NCK2: variants seen among roughly 807,000 people sequenced by gnomAD.
NCK2 encodes the protein cytoplasmic protein NCK2.
Under a neutral mutation model 33.9 loss-of-function variants are expected in NCK2, and 16 were observed. The ratio of observed to expected loss-of-function variants is 0.47; its 90% CI spans 0.32 to 0.72. NCK2 has a LOEUF of 0.72. Ranked by LOEUF, NCK2 falls within the 30% of genes least tolerant of loss-of-function variation. The probability of loss-of-function intolerance (pLI) is 0.03; values close to 1 mark genes in which losing one functional copy is unlikely to be tolerated. For synonymous variants in NCK2, 273 were observed against 239.9 expected (o/e 1.14, Z -1.27); for missense variants, 418 against 537.3 (o/e 0.78, Z 2.19).
chr2:105,808,817 T>C (rs1446100574), intron 1 of NCK2, among the ~76,000 whole-genome samples: 1 of 152,110 alleles, frequency 6.6e-6, no homozygotes, highest in African/African-American at 2.4e-5. Flanking sequence ...TATTAAGGAA[T>C]TGGTAATGAT....
At chr2:105,780,606 C>G (rs1690460749) in intron 1 of NCK2, among the ~76,000 whole-genome samples, 2 of 152,170 alleles carry the variant, frequency 1.3e-5, no homozygotes, top group African/African-American at 4.8e-5. Flanking sequence ...CCAGTCAGAG[C>G]CCCTGGTCAC....
At chr2:105,775,032 T>A (rs1219055753) in intron 1 of NCK2, among the ~76,000 whole-genome samples, 2 of 151,594 alleles carry the variant, frequency 1.3e-5, no homozygotes, top group Non-Finnish European at 2.9e-5. Flanking sequence ...AATAATAATA[T>A]AATAATAATA....
intron 2 of NCK2, among the ~76,000 whole-genome samples, chr2:105,834,956 G>T (rs979963088): frequency 1.3e-5 from 2 of 152,126 alleles, no homozygotes; most frequent in Admixed American, 1.3e-4. Flanking sequence ...GGGATTACAA[G>T]CATGATCCAC....
chr2:105,793,006 G>A (rs1223826812), intron 1 of NCK2, among the ~76,000 whole-genome samples: 1 of 152,086 alleles, frequency 6.6e-6, no homozygotes, highest in Non-Finnish European at 1.5e-5. Flanking sequence ...CTAATGGTGG[G>A]ATTCTTTCCT....
chr2:105,864,817 A>C (rs141793003), intron 3 of NCK2, among the ~76,000 whole-genome samples: 1 of 139,728 alleles, frequency 7.2e-6, no homozygotes, highest in Non-Finnish European at 1.5e-5. Context: ...CCTCTAGCTC[A>C]CATGTGCATG....
In NCK2 at chr2:105,863,449, T is replaced by C. The variant is rs558823090; in HGVS notation, c.226+8160T>C. Among the ~76,000 whole-genome samples the C allele has an allele frequency of 1.9e-4, 29 of 152,252 alleles. 1 individual carries two copies. The highest frequency in any genetic ancestry group is 4.0e-4 in the Non-Finnish European group (27 of 68,018). On this transcript the variant is annotated intron_variant, in intron 3 of 4. Transcript: ENST00000233154. ...CTTTGAGAACAGTAACCAAAGGCTT[T>C]GAAACAGGGATGCAGACACGATGCA...
intron 3 of NCK2, among the ~76,000 whole-genome samples, chr2:105,873,732 C>G (rs1301035919): frequency 1.3e-5 from 2 of 152,100 alleles, no homozygotes; most frequent in Non-Finnish European, 2.9e-5. Context: ...AAAAAGAAAA[C>G]GAAAAGTTGG....
chr2:105,847,435 G>T (rs563348634), intron 2 of NCK2: 2 of 152,112 alleles, frequency 1.3e-5, no homozygotes, highest in African/African-American at 4.8e-5. Flanking sequence ...TGAATAATAT[G>T]TACTATAATT....
At chr2:105,751,977 A>G (rs1299273847) in intron 1 of NCK2, among the ~76,000 whole-genome samples, 3 of 152,174 alleles carry the variant, frequency 2.0e-5, no homozygotes, top group African/African-American at 7.2e-5. Context: ...TATTTTGCCC[A>G]ATATATATAT....
At chr2:105,797,361 T>G (rs1259269321) in intron 1 of NCK2, among the ~76,000 whole-genome samples, 2 of 152,164 alleles carry the variant, frequency 1.3e-5, no homozygotes, top group African/African-American at 4.8e-5. Context: ...AACTCACAGT[T>G]CTAGGACCGG....
intron 1 of NCK2, among the ~76,000 whole-genome samples, chr2:105,763,789 A>G (rs1170158459): frequency 2.6e-5 from 4 of 152,214 alleles, no homozygotes; most frequent in Non-Finnish European, 5.9e-5. Context: ...CCCTGTGTTT[A>G]AAGAAATATG....
At chr2:105,751,946 GTAT>G (rs1432035401) in intron 1 of NCK2, among the ~76,000 whole-genome samples, 1 of 152,144 alleles carries the variant, frequency 6.6e-6, no homozygotes, top group Non-Finnish European at 1.5e-5. Flanking sequence ...AACCAAACAA[GTAT>G]TATTAATTTT....
At chr2:105,785,500 CA>C (rs1288644047) in intron 1 of NCK2, among the ~76,000 whole-genome samples, 1 of 152,192 alleles carries the variant, frequency 6.6e-6, no homozygotes, top group Non-Finnish European at 1.5e-5. Flanking sequence ...AAAAGACCGC[CA>C]ATACAAAATC....
chr2:105,834,735 A>G (rs1177644470), intron 2 of NCK2, among the ~76,000 whole-genome samples: 1 of 152,098 alleles, frequency 6.6e-6, no homozygotes, highest in African/African-American at 2.4e-5. Context: ...TGGCATGATC[A>G]TAGCTCCCTG....
intron 2 of NCK2, chr2:105,846,850 C>T (rs1676873157): frequency 6.6e-6 from 1 of 152,126 alleles, no homozygotes. Context: ...AAAGCAGGGA[C>T]GTGAAGAGAT....
At chr2:105,880,633 G>A (rs185559023) in intron 3 of NCK2, among the ~76,000 whole-genome samples, 1 of 152,246 alleles carries the variant, frequency 6.6e-6, no homozygotes, top group East Asian at 1.9e-4. Flanking sequence ...CATTTAGTCT[G>A]ACTTCCCACC....
chr2:105,771,649 T>C (rs1029707697), intron 1 of NCK2, among the ~76,000 whole-genome samples: 3 of 152,226 alleles, frequency 2.0e-5, no homozygotes, highest in Non-Finnish European at 4.4e-5. Context: ...GAAAGTAATG[T>C]TCTTTTCTTA....
intron 1 of NCK2, among the ~76,000 whole-genome samples, chr2:105,765,439 C>T (rs1280742495): frequency 6.6e-6 from 1 of 152,184 alleles, no homozygotes; most frequent in Non-Finnish European, 1.5e-5. Context: ...GGCCCCACGG[C>T]CAGTTCTTGG....
At chr2:105,819,275 G>C (rs1675632409) in intron 2 of NCK2, among the ~76,000 whole-genome samples, 1 of 150,620 alleles carries the variant, frequency 6.6e-6, no homozygotes, top group Admixed American at 6.6e-5. Flanking sequence ...AACCTAGGAG[G>C]TTTATCTTAC....
Sources: allele counts gnomAD v4.1 joint callset (sites outside exome capture counted in the v4.1 genomes callset), GRCh38; gene constraint gnomAD v4.1.1; transcripts MANE v1.5; gene names NCBI Gene and HGNC (gene_info 2026-07-23, HGNC 2026-07-21).